Variants in FER observed in about 807,000 individuals in gnomAD.
FER encodes the protein tyrosine-protein kinase Fer.
A neutral mutation model predicts 111.0 loss-of-function variants in FER; 63 were observed. The observed-to-expected ratio is 0.57, with a 90% confidence interval of 0.46 to 0.70. The LOEUF (loss-of-function observed/expected upper bound fraction) is 0.70, where lower values mean the gene tolerates loss of function less well. FER is among the 30% of genes least tolerant of loss of function. FER has a pLI of 0.00. For missense variants in FER, 914 were observed against 954.0 expected, an observed-to-expected ratio of 0.96 and a Z score of 0.55; for synonymous variants, 327 against 313.9, an observed-to-expected ratio of 1.04 and a Z score of -0.44.
chr5:109,193,489 C>CTA lies in FER; in HGVS notation c.*5916_*5917dup, dbSNP rs1562020620. The CTA allele has an allele frequency of 6.6e-6, 1 of 152,180 alleles. No individual in the cohort carries two copies. The highest frequency in any genetic ancestry group is 1.5e-5 in the Non-Finnish European group (1 of 68,018). 9.4% of individuals were successfully genotyped at this position (152,180 alleles called of 1,614,324 possible). On this transcript the variant is annotated 3_prime_UTR_variant, in exon 20 of 20. Coordinates refer to ENST00000281092, the MANE Select transcript of FER (RefSeq NM_005246.4). ...AGAGATACAAATCCTGAATTTCTAA[C>CTA]TATCTTCTCAAATATTACTGAGGCC...
intron 5 of FER, among the ~76,000 whole-genome samples, chr5:108,839,842 G>T (rs1761080866): frequency 6.6e-6 from 1 of 151,962 alleles, no homozygotes. Flanking sequence ...CTCCCAAACT[G>T]CTGGGATTAC....
intron 14 of FER, among the ~76,000 whole-genome samples, chr5:109,039,354 C>G (rs1279212235): frequency 6.6e-6 from 1 of 152,084 alleles, no homozygotes; most frequent in Non-Finnish European, 1.5e-5. Context: ...GTGCAAGGCA[C>G]TCTTCTAGGC....
intron 3 of FER, among the ~76,000 whole-genome samples, chr5:108,826,116 C>G (rs527637596): frequency 4.6e-5 from 7 of 152,148 alleles, no homozygotes; most frequent in African/African-American, 1.2e-4. Flanking sequence ...TACTTGATTC[C>G]TTGAGAATTT....
rs1375148221 is a variant in FER at position 109,189,245 on chromosome 5, A to T, written c.*1670A>T. The T allele has an allele frequency of 6.6e-6, 1 of 152,228 alleles. No homozygotes were observed. Among genetic ancestry groups the T allele is most frequent in the Non-Finnish European group, 1.5e-5 (1 of 68,040 alleles). 9.4% of individuals were successfully genotyped at this position (152,228 alleles called of 1,614,324 possible). On this transcript the variant is annotated 3_prime_UTR_variant, in exon 20 of 20. Transcript: ENST00000281092. Reference sequence around the variant, plus strand: ...CTCAGGATAAATGCATATATAGAAGATGGTCATGCTCAGGGCTAAATATGT... The same window carrying T: ...CTCAGGATAAATGCATATATAGAAGTTGGTCATGCTCAGGGCTAAATATGT...
chr5:109,122,418 T>C lies in FER; in HGVS notation c.2048+21899T>C, dbSNP rs143931948. ...TTTTTGATTTCTAGTTTTATTCAAT[T>C]GTTGTCAGAGAAGATGTACTTTATT... is the stretch of plus-strand genomic sequence containing the variant. On this transcript the variant is annotated intron_variant, in intron 17 of 19. Transcript: ENST00000281092. Among the ~76,000 whole-genome samples, 1,138 of 152,274 alleles carry C rather than the reference T, an allele frequency of 7.5e-3. 15 individuals are homozygous for C. The highest frequency in any genetic ancestry group is 0.026 in the African/African-American group (1,079 of 41,546).
intron 5 of FER, among the ~76,000 whole-genome samples, chr5:108,839,529 T>C (rs756520401): frequency 2.0e-5 from 3 of 151,056 alleles, no homozygotes; most frequent in Non-Finnish European, 4.4e-5. Flanking sequence ...AAGCAGAAAG[T>C]AGCCACAGAG....
intron 17 of FER, among the ~76,000 whole-genome samples, chr5:109,105,174 G>T (rs2150075486): frequency 6.6e-6 from 1 of 151,112 alleles, no homozygotes; most frequent in South Asian, 2.1e-4. Context: ...TTTCTAATAA[G>T]GATTACCTAT....
At chr5:108,851,413 C>T (rs1762533677) in intron 5 of FER, among the ~76,000 whole-genome samples, 1 of 152,146 alleles carries the variant, frequency 6.6e-6, no homozygotes. Flanking sequence ...ATTCAGTTAC[C>T]TCCCACTGGG....
intron 16 of FER, among the ~76,000 whole-genome samples, chr5:109,049,905 A>G (rs2149920981): frequency 1.3e-5 from 2 of 152,314 alleles, no homozygotes; most frequent in African/African-American, 4.8e-5. Context: ...TTGCATTCCA[A>G]ATGAAATCTT....
rs201659130 is a variant in FER at position 109,021,844 on chromosome 5, C to A, written c.1657-15578C>A. ...GTTGTTTTTTCATGTTGCATTACTA[C>A]AAGAAGTAAAATCCAAAAAATACCT... On this transcript the variant is annotated intron_variant, in intron 13 of 19. Coordinates refer to ENST00000281092, the MANE Select transcript of FER (RefSeq NM_005246.4). Among the ~76,000 whole-genome samples, 50 of 152,078 alleles carry A rather than the reference C, an allele frequency of 3.3e-4. No individual in the cohort carries two copies. In the East Asian group the frequency reaches 9.2e-3, roughly 28 times the overall value.
chr5:108,784,722 A>G (rs529637919), intron 2 of FER, among the ~76,000 whole-genome samples: 25 of 152,318 alleles, frequency 1.6e-4, no homozygotes, highest in African/African-American at 5.5e-4. Flanking sequence ...CCTTACGGGA[A>G]ACAAAGGGAT....
rs1165757009 is a variant in FER, at chr5:108,889,158, G to GA, written c.1046+5646dup. ...TATGGAGAACAGTTTGGAGGTACCT[G>GA]AAAAAACTAAAAATAGAGCTACCAT... On this transcript the variant is annotated intron_variant, in intron 9 of 19. Transcript: ENST00000281092. Among the ~76,000 whole-genome samples the GA allele has an allele frequency of 2.0e-5, 3 of 151,750 alleles. 1 individual carries two copies. Among genetic ancestry groups the GA allele is most frequent in the African/African-American group, 7.3e-5 (3 of 41,370 alleles).
chr5:109,006,630 GCT>G (rs1342405046), intron 13 of FER, among the ~76,000 whole-genome samples: 1 of 152,118 alleles, frequency 6.6e-6, no homozygotes, highest in East Asian at 1.9e-4. Flanking sequence ...GATGAAATTA[GCT>G]CTCTTAGCTT....
At chr5:108,929,195 G>A (rs1415571130) in intron 10 of FER, among the ~76,000 whole-genome samples, 9 of 152,096 alleles carry the variant, frequency 5.9e-5, no homozygotes, top group African/African-American at 2.2e-4. Flanking sequence ...GCAGTAATTA[G>A]TAAAAACAGA....
chr5:109,069,498 A>G (rs1196276490), intron 16 of FER, among the ~76,000 whole-genome samples: 1 of 152,186 alleles, frequency 6.6e-6, no homozygotes, highest in Non-Finnish European at 1.5e-5. Context: ...CAGAGTATGT[A>G]AGACAGGGTT....
At chr5:108,892,808 G>A (rs7731891) in intron 9 of FER, among the ~76,000 whole-genome samples, 72,095 of 151,978 alleles carry the variant, frequency 0.47, 20,660 homozygotes, top group African/African-American at 0.81. Flanking sequence ...TAGGTCTAAC[G>A]TTTAAGTCTT....
At chr5:109,132,067 C>G (rs1582178311) in intron 17 of FER, among the ~76,000 whole-genome samples, 1 of 152,150 alleles carries the variant, frequency 6.6e-6, no homozygotes, top group Non-Finnish European at 1.5e-5. Flanking sequence ...CAAGCAGTTA[C>G]TTTTATTATC....
intron 5 of FER, chr5:108,842,378 C>G (rs1580820806): frequency 6.6e-6 from 1 of 152,026 alleles, no homozygotes; most frequent in African/African-American, 2.4e-5. Context: ...AAAGCAAATA[C>G]AATAAAAACA....
chr5:108,759,252 C>A (rs1751452339), intron 1 of FER, among the ~76,000 whole-genome samples: 1 of 152,224 alleles, frequency 6.6e-6, no homozygotes, highest in African/African-American at 2.4e-5. Context: ...ATAATTCAGG[C>A]AAGTGCTTAA....
Sources: allele counts gnomAD v4.1 joint callset (sites outside exome capture counted in the v4.1 genomes callset), GRCh38; gene constraint gnomAD v4.1.1; transcripts MANE v1.5; gene names NCBI Gene and HGNC (gene_info 2026-07-23, HGNC 2026-07-21).